The following MYCBP2 variants were observed in gnomAD, a reference collection of about 807,000 sequenced individuals.
MYCBP2 encodes E3 ubiquitin-protein ligase MYCBP2.
A neutral mutation model predicts 525.3 loss-of-function variants in MYCBP2; 120 were observed. That is an observed-to-expected ratio of 0.23 (90% confidence interval 0.20 to 0.27). MYCBP2 has a LOEUF of 0.27. Ranked by LOEUF, MYCBP2 falls within the 10% of genes least tolerant of loss-of-function variation. MYCBP2 has a pLI of 1.00. For missense variants in MYCBP2, 4,149 were observed against 5,657.1 expected, an observed-to-expected ratio of 0.73 and a Z score of 8.55; for synonymous variants, 1,894 against 1,955.8, an observed-to-expected ratio of 0.97 and a Z score of 0.83.
intron 30 of MYCBP2, among the ~76,000 whole-genome samples, chr13:77,188,625 G>A (rs2060988320): frequency 6.6e-6 from 1 of 152,054 alleles, no homozygotes; most frequent in Non-Finnish European, 1.5e-5. Context: ...TTTTGGGCCA[G>A]CACCATCCTT....
chr13:77,183,597 G>A (rs1249185221), intron 32 of MYCBP2, among the ~76,000 whole-genome samples: 2 of 114,726 alleles, frequency 1.7e-5, no homozygotes, highest in Non-Finnish European at 3.3e-5. Context: ...CTGTCACCAG[G>A]CTGGAGTGCA....
At chr13:77,285,955 T>C (rs753489488) in intron 3 of MYCBP2, among the ~76,000 whole-genome samples, 3 of 151,822 alleles carry the variant, frequency 2.0e-5, no homozygotes, top group African/African-American at 2.4e-5. Context: ...AGTTAGGACA[T>C]TGCAGACAAA....
intron 49 of MYCBP2, among the ~76,000 whole-genome samples, chr13:77,141,700 G>A (rs888445429): frequency 6.6e-6 from 1 of 151,534 alleles, no homozygotes; most frequent in African/African-American, 2.4e-5. Flanking sequence ...GAACCTGTGA[G>A]GTGGAGGTTG....
At position 77,171,598 on chromosome 13, in the gene MYCBP2, C is replaced by T; in HGVS notation, c.5688G>A (p.Leu1896=). Residue 1896 remains leucine (L), a synonymous_variant, in exon 38 of 83, where the codon CTG becomes CTA. Coordinates refer to ENST00000544440, the MANE Select transcript of MYCBP2 (RefSeq NM_015057.5). The stretch of plus-strand genomic sequence containing the variant: ...TTTTATCTTCTTCATTGGCTTTACT[C>T]AGAAGTTGGGATTGTAAATCTCCAT... ...EFDGDLQSQL[L]SKANEEDKNC... 1 of 1,614,074 alleles carries T rather than the reference C, an allele frequency of 6.2e-7. No individual in the cohort carries two copies. Among genetic ancestry groups the T allele is most frequent in the Non-Finnish European group, 8.5e-7 (1 of 1,179,972 alleles).
At chr13:77,229,762 A>C (rs2066876828) in intron 18 of MYCBP2, among the ~76,000 whole-genome samples, 1 of 152,218 alleles carries the variant, frequency 6.6e-6, no homozygotes. Context: ...CTAGTAAATG[A>C]CAAATTCAGA....
chr13:77,282,158 C>G (rs2076256725), intron 3 of MYCBP2, among the ~76,000 whole-genome samples: 1 of 152,120 alleles, frequency 6.6e-6, no homozygotes, highest in Admixed American at 6.5e-5. Flanking sequence ...CACCTATAAT[C>G]CCAGCACTTT....
rs2050678986 is a variant in MYCBP2 at position 77,121,481 on chromosome 13, C to T, written c.8032G>A (p.Asp2678Asn). 6.3e-6 allele frequency: 10 copies of T among 1,578,438 alleles called. No homozygotes were observed. Among genetic ancestry groups the T allele is most frequent in the Non-Finnish European group, 8.6e-6 (10 of 1,156,974 alleles). The change falls in exon 55 of 83, where the codon GAT (aspartate) becomes AAT (asparagine). Residue 2678 changes from aspartate (D) to asparagine (N), a missense_variant. Around this residue, in one of 21 missense-constraint regions of MYCBP2, gnomAD observed 653 missense variants for 744.7 expected, o/e 0.88. Transcript: ENST00000544440. ...GGAGGAGGAGTTTGAGAATTCTGAT[C>T]CAGAAGAGCTTGTTCTACAATAAAA... ...LRHEDEQALL[D>N]QNSQTPPPSP... is the part of the protein sequence containing the mutation.
At chr13:77,072,123 C>T (rs1340976132) in intron 68 of MYCBP2, among the ~76,000 whole-genome samples, 1 of 151,352 alleles carries the variant, frequency 6.6e-6, no homozygotes, top group Admixed American at 6.6e-5. Context: ...CCCATCTCTA[C>T]TAAAAAAAAT....
At chr13:77,189,747 T>C (rs1249458033) in intron 29 of MYCBP2, among the ~76,000 whole-genome samples, 1 of 152,196 alleles carries the variant, frequency 6.6e-6, no homozygotes, top group Non-Finnish European at 1.5e-5. Flanking sequence ...TCAATAATGT[T>C]AAAAATATAG....
chr13:77,309,269 C>T (rs977027717), intron 1 of MYCBP2, among the ~76,000 whole-genome samples: 1 of 152,190 alleles, frequency 6.6e-6, no homozygotes, highest in African/African-American at 2.4e-5. Flanking sequence ...CCTCAAGAAC[C>T]TATCTCAGAC....
At position 77,158,017 on chromosome 13, in the gene MYCBP2, G is replaced by A. The variant is rs763821733; in HGVS notation, c.6690C>T (p.Leu2230=). The A allele has an allele frequency of 1.9e-6, 3 of 1,613,698 alleles. No individual in the cohort carries two copies. Among genetic ancestry groups the A allele is most frequent in the Non-Finnish European group, 2.5e-6 (3 of 1,179,764 alleles). ...ILEALEGNLP[L]QIQSNEQSFL... ...AAGACTGTTCATTGCTTTGGATTTG[G>A]AGTGGTAAATTTCCCTCAAGTGCTT... The change falls in exon 45 of 83, where the codon CTC becomes CTT. Residue 2230 remains leucine (L), a synonymous_variant. Transcript: ENST00000544440.
intron 39 of MYCBP2, among the ~76,000 whole-genome samples, chr13:77,169,321 G>C (rs180920398): frequency 0.022 from 3,333 of 151,300 alleles, 57 homozygotes; most frequent in Middle Eastern, 0.076. Context: ...GCGTGAACCC[G>C]GAAGGCGGAG....
At position 77,052,233 on chromosome 13, in the gene MYCBP2, C is replaced by G. The variant is rs546292854; in HGVS notation, c.13648-315G>C. Among the ~76,000 whole-genome samples, 11 of 152,230 alleles carry G rather than the reference C, an allele frequency of 7.2e-5. No homozygotes were observed. In the East Asian group the frequency reaches 1.2e-3, roughly 16 times the overall value. On this transcript the variant is annotated intron_variant, in intron 80 of 82. Coordinates refer to ENST00000544440, the MANE Select transcript of MYCBP2 (RefSeq NM_015057.5). ...TGTTTCTTTGAGACGGGCTCTCACT[C>G]TGTTGCCCAGGCTGGAGCATAGTGG...
At chr13:77,296,312 C>G (rs1431565924) in intron 2 of MYCBP2, among the ~76,000 whole-genome samples, 1 of 151,600 alleles carries the variant, frequency 6.6e-6, no homozygotes, top group Non-Finnish European at 1.5e-5. Flanking sequence ...CCCAGCTACT[C>G]AGGAGGCTGA....
chr13:77,274,943 T>C (rs188229147), intron 4 of MYCBP2, among the ~76,000 whole-genome samples: 48 of 152,220 alleles, frequency 3.2e-4, no homozygotes, highest in Admixed American at 3.1e-3. Flanking sequence ...TTCCTCTACC[T>C]TTTCCTCCAG....
At chr13:77,217,679 A>G in intron 21 of MYCBP2, among the ~76,000 whole-genome samples, 161 bp downstream of exon 21, 1 of 152,178 alleles carries the variant, frequency 6.6e-6, no homozygotes, top group Non-Finnish European at 1.5e-5. Context: ...AATATCATTC[A>G]GGTTTAGTGT....
At chr13:77,064,426 CAT>C (rs2154076685) in intron 73 of MYCBP2, among the ~76,000 whole-genome samples, 187 bp downstream of exon 73, 1 of 152,346 alleles carries the variant, frequency 6.6e-6, no homozygotes, top group East Asian at 1.9e-4. Flanking sequence ...ACACAGAACA[CAT>C]AACAGTGAGA....
intron 68 of MYCBP2, among the ~76,000 whole-genome samples, chr13:77,071,731 T>C (rs1004657646): frequency 6.6e-6 from 1 of 152,200 alleles, no homozygotes; most frequent in African/African-American, 2.4e-5. Flanking sequence ...TTGAACTAAC[T>C]GATATTTATA....
At chr13:77,085,104 G>GTT (rs1477494330) in intron 62 of MYCBP2, among the ~76,000 whole-genome samples, 1 of 151,862 alleles carries the variant, frequency 6.6e-6, no homozygotes, top group Non-Finnish European at 1.5e-5. Context: ...CTGTTTCATC[G>GTT]TAACTATAAC....
Sources: allele counts gnomAD v4.1 joint callset (sites outside exome capture counted in the v4.1 genomes callset), GRCh38; gene constraint gnomAD v4.1.1; regional missense constraint gnomAD v4.1.1; transcripts MANE v1.5; gene names NCBI Gene and HGNC (gene_info 2026-07-23, HGNC 2026-07-21).